Variants in ABTB2 observed in about 807,000 individuals in gnomAD.
ABTB2 encodes ankyrin repeat and BTB/POZ domain-containing protein 2.
A neutral mutation model predicts 104.1 loss-of-function variants in ABTB2; 56 were observed. That is an observed-to-expected ratio of 0.54 (90% confidence interval 0.43 to 0.67). The LOEUF is 0.67. ABTB2 is among the 30% of genes least tolerant of loss of function. ABTB2 has a pLI of 0.00. For missense variants in ABTB2, 1,279 were observed against 1,407.7 expected, an observed-to-expected ratio of 0.91 and a Z score of 1.46; for synonymous variants, 606 against 608.2, an observed-to-expected ratio of 1.00 and a Z score of 0.05.
intron 1 of ABTB2, among the ~76,000 whole-genome samples, chr11:34,300,021 C>G (rs903154808): frequency 1.3e-5 from 2 of 152,196 alleles, no homozygotes; most frequent in Non-Finnish European, 2.9e-5. Flanking sequence ...AGAGTCAGAG[C>G]TCTCTGCCTC....
At chr11:34,172,379 A>AAG (rs1852886902) in intron 4 of ABTB2, among the ~76,000 whole-genome samples, 1 of 62,122 alleles carries the variant, frequency 1.6e-5, no homozygotes, top group African/African-American at 5.5e-5. Context: ...CTCAAAAAAA[A>AAG]AAAAAAAAAA....
At chr11:34,179,725 G>A (rs1264310039) in intron 3 of ABTB2, among the ~76,000 whole-genome samples, 4 of 152,218 alleles carry the variant, frequency 2.6e-5, no homozygotes, top group Non-Finnish European at 5.9e-5. Flanking sequence ...CTTTCATTGT[G>A]AGAGCCCTTT....
At chr11:34,295,349 C>T (rs1432388492) in intron 1 of ABTB2, among the ~76,000 whole-genome samples, 1 of 152,078 alleles carries the variant, frequency 6.6e-6, no homozygotes, top group Non-Finnish European at 1.5e-5. Flanking sequence ...GGAGGAGGAA[C>T]GAGTCCCTGC....
Position 34,154,225 on chromosome 11 carries a change from A to G in ABTB2, c.2880+40T>C, listed in dbSNP as rs1416570873. 1 of 1,499,392 alleles carries G rather than the reference A, an allele frequency of 6.7e-7. No homozygotes were observed. Among genetic ancestry groups the G allele is most frequent in the Admixed American group, 1.7e-5 (1 of 59,312 alleles). 92.9% of individuals were successfully genotyped at this position (1,499,392 alleles called of 1,614,324 possible). ...GGCCGAGGCCCCCGTGGAGCAGAGC[A>G]TGTGGTGGGAGGTGGCCAGCAGGCA... On this transcript the variant is annotated intron_variant, in intron 16 of 16. Transcript: ENST00000435224. The surrounding 1 kb of genome is among the most constrained non-coding windows in gnomAD (Gnocchi z 4.9).
intron 1 of ABTB2, chr11:34,242,420 A>G (rs1853930819): frequency 6.6e-6 from 1 of 152,396 alleles, no homozygotes; most frequent in South Asian, 2.1e-4. Flanking sequence ...CTTGGCACAC[A>G]GTATCTGACA....
chr11:34,229,121 G>A (rs867439154), intron 1 of ABTB2, among the ~76,000 whole-genome samples: 77 of 103,740 alleles, frequency 7.4e-4, no homozygotes, highest in South Asian at 1.4e-3. Flanking sequence ...CTCCGTCTTG[G>A]AAAAAAAAAA....
At position 34,164,788 on chromosome 11, in the gene ABTB2, C is replaced by G; in HGVS notation, c.1886G>C (p.Arg629Pro). The stretch of plus-strand genomic sequence containing the variant: ...CATGCTGAGGAGGGGGTCGGCGCCT[C>G]GGCTCAGCAACAAACTGACCAGCTC... ...NYELVSLLLS[R>P]GADPLLSMLE... is the part of the protein sequence containing the mutation. Residue 629 changes from arginine (R) to proline (P), a missense_variant, in exon 9 of 17, where the codon CGA becomes CCA. Coordinates refer to ENST00000435224, the MANE Select transcript of ABTB2 (RefSeq NM_145804.3). The G allele has an allele frequency of 2.5e-6, 4 of 1,577,796 alleles. No homozygotes were observed. The highest frequency in any genetic ancestry group is 3.4e-6 in the Non-Finnish European group (4 of 1,167,976).
At chr11:34,268,609 C>T (rs530484364) in intron 1 of ABTB2, among the ~76,000 whole-genome samples, 2 of 152,340 alleles carry the variant, frequency 1.3e-5, no homozygotes, top group African/African-American at 4.8e-5. Context: ...GGGCCAGCCA[C>T]TGCGTGAGTT....
intron 1 of ABTB2, among the ~76,000 whole-genome samples, chr11:34,209,328 T>A (rs796271747): frequency 3.3e-5 from 5 of 151,342 alleles, no homozygotes; most frequent in African/African-American, 1.2e-4. Flanking sequence ...GGCAACAGAG[T>A]GAGCCTCTGT....
intron 1 of ABTB2, among the ~76,000 whole-genome samples, chr11:34,229,076 C>T (rs540922712): frequency 1.9e-4 from 26 of 136,130 alleles, no homozygotes; most frequent in Non-Finnish European, 3.7e-4. Context: ...GCCAAGATCG[C>T]GCCACTGCAC....
At chr11:34,312,085 G>A (rs1285319995) in intron 1 of ABTB2, among the ~76,000 whole-genome samples, 1 of 151,858 alleles carries the variant, frequency 6.6e-6, no homozygotes, top group Non-Finnish European at 1.5e-5. Flanking sequence ...AGGTTGCAGT[G>A]GGCTGAGTTT....
chr11:34,240,068 G>A (rs1267541716), intron 1 of ABTB2, among the ~76,000 whole-genome samples: 2 of 152,106 alleles, frequency 1.3e-5, no homozygotes, highest in African/African-American at 2.4e-5. Flanking sequence ...CAGAAGATTT[G>A]ACAATTCATA....
intron 1 of ABTB2, among the ~76,000 whole-genome samples, chr11:34,246,339 C>T (rs750660103): frequency 3.3e-5 from 5 of 152,092 alleles, no homozygotes; most frequent in South Asian, 2.1e-4. Context: ...TGGTGGCTCA[C>T]GCCTGTAATC....
chr11:34,174,731 G>C (rs11032535), intron 3 of ABTB2, among the ~76,000 whole-genome samples: 77,547 of 152,218 alleles, frequency 0.51, 20,428 homozygotes, highest in East Asian at 0.91. Flanking sequence ...GTGGCTTCAT[G>C]ACTTCGTGGG....
chr11:34,155,283 T>A (rs1467934952), intron 14 of ABTB2, among the ~76,000 whole-genome samples: 1 of 152,176 alleles, frequency 6.6e-6, no homozygotes, highest in Non-Finnish European at 1.5e-5. Flanking sequence ...AGGACTCCAA[T>A]GTGGAGGTGA....
chr11:34,167,888 G>C lies in ABTB2; in HGVS notation c.1653+15C>G. ...TGGCCTAGGGCCTGGGTGCAGCTCT[G>C]TGGGGCTTCCTCACCTGGATGTCCA... On this transcript the variant is annotated intron_variant, in intron 6 of 16. Transcript: ENST00000435224. 1 of 1,613,734 alleles carries C rather than the reference G, an allele frequency of 6.2e-7. No individual in the cohort carries two copies. Among genetic ancestry groups the C allele is most frequent in the African/African-American group, 1.3e-5 (1 of 75,064 alleles).
intron 1 of ABTB2, among the ~76,000 whole-genome samples, chr11:34,322,574 CAAATAAAT>C (rs904177047): frequency 2.0e-5 from 3 of 150,996 alleles, no homozygotes; most frequent in Admixed American, 6.6e-5. Flanking sequence ...GACTCCATCT[CAAATAAAT>C]AAATAAATAA....
chr11:34,222,502 G>A (rs75725429), intron 1 of ABTB2, among the ~76,000 whole-genome samples: 2,608 of 152,256 alleles, frequency 0.017, 76 homozygotes, highest in African/African-American at 0.06. Flanking sequence ...AGTGGGAGGT[G>A]AGGAGCCTCC....
chr11:34,319,831 G>A (rs1366741963), intron 1 of ABTB2, among the ~76,000 whole-genome samples: 7 of 152,134 alleles, frequency 4.6e-5, no homozygotes, highest in African/African-American at 1.7e-4. Context: ...ACCACGCCCA[G>A]CTAATTTTTG....
Sources: allele counts gnomAD v4.1 joint callset (sites outside exome capture counted in the v4.1 genomes callset), GRCh38; gene constraint gnomAD v4.1.1; non-coding constraint Gnocchi (gnomAD v3.1); transcripts MANE v1.5; gene names NCBI Gene and HGNC (gene_info 2026-07-23, HGNC 2026-07-21).